SHH: variants seen among roughly 807,000 people sequenced by gnomAD.
SHH encodes sonic hedgehog protein.
Under a neutral mutation model 16.6 loss-of-function variants are expected in SHH, and 3 were observed. That is an observed-to-expected ratio of 0.18 (90% CI 0.08 to 0.47). The LOEUF (loss-of-function observed/expected upper bound fraction) is 0.47, where lower values mean the gene tolerates loss of function less well. Among genes scored for constraint, SHH ranks in the 20% least tolerant of loss-of-function variants. The pLI is 0.98. For synonymous variants in SHH, 351 were observed against 316.2 expected, an observed-to-expected ratio of 1.11 and a Z score of -1.17; for missense variants, 499 against 665.0, an observed-to-expected ratio of 0.75 and a Z score of 2.75.
chr7:155,810,155 G>A (rs767820178), intron 1 of SHH, among the ~76,000 whole-genome samples: 1 of 152,226 alleles, frequency 6.6e-6, no homozygotes, highest in Non-Finnish European at 1.5e-5. Flanking sequence ...GGCTGCAGGC[G>A]TCTGCCTCGC....
chr7:155,806,651 C>G, intron 1 of SHH, 94 bp from the exon 2 acceptor site: 6 of 1,522,478 alleles, frequency 3.9e-6, no homozygotes, highest in Non-Finnish European at 4.5e-6. Flanking sequence ...TGCCCAGTCT[C>G]AAGGCGCGAG....
chr7:155,809,629 C>A lies in SHH; in HGVS notation c.300+2194G>T, dbSNP rs934736342. Among the ~76,000 whole-genome samples the A allele has an allele frequency of 1.3e-5, 2 of 152,210 alleles. No homozygotes were observed. Among genetic ancestry groups the A allele is most frequent in the African/African-American group, 4.8e-5 (2 of 41,468 alleles). On this transcript the variant is annotated intron_variant, in intron 1 of 2. Transcript: ENST00000297261. The surrounding 1 kb of genome is among the most constrained non-coding windows in gnomAD (Gnocchi z 6.1). ...CGGCCTGGCTCTCCTCACCCAACCC[C>A]CACTTGGGCCGTCCTTCCCCCTCCT...
chr7:155,808,431 C>T (rs1019242002), intron 1 of SHH, among the ~76,000 whole-genome samples: 1 of 152,256 alleles, frequency 6.6e-6, no homozygotes, highest in Non-Finnish European at 1.5e-5. Context: ...GTGAGGATGA[C>T]CTGGCCCCCA....
chr7:155,800,775 A>G lies in SHH; in HGVS notation c.*2125T>C, dbSNP rs972007712. 6.4e-5 allele frequency: 25 copies of G among 391,568 alleles called. No homozygotes were observed. The highest frequency in any genetic ancestry group is 5.3e-4 in the African/African-American group (25 of 47,604). The allele number at this position is 391,568 out of a possible 1,614,324, so 24.3% of individuals were successfully genotyped here. ...CACCTGGTCACACACCCTCCACGGA[A>G]GGCCACTCAAGGGCAGACCCGTAGC... On this transcript the variant is annotated 3_prime_UTR_variant, in exon 3 of 3. Coordinates refer to ENST00000297261, the MANE Select transcript of SHH (RefSeq NM_000193.4).
rs1563197379 is a variant in SHH, at chr7:155,800,190, G to A, written c.*2710C>T. ...CGCCTCGTCCTGGCGGGGCTGGGCTGCACCCTCTTGATGCCCTGTACCTAG... is the reference window on the plus strand; with the variant it reads ...CGCCTCGTCCTGGCGGGGCTGGGCTACACCCTCTTGATGCCCTGTACCTAG... On this transcript the variant is annotated 3_prime_UTR_variant, in exon 3 of 3. Coordinates refer to ENST00000297261, the MANE Select transcript of SHH (RefSeq NM_000193.4). 2 of 471,182 alleles carry A rather than the reference G, an allele frequency of 4.2e-6. No individual in the cohort carries two copies. The highest frequency in any genetic ancestry group is 8.8e-6 in the Non-Finnish European group (2 of 227,090). The allele number at this position is 471,182 out of a possible 1,614,324, so 29.2% of individuals were successfully genotyped here.
At chr7:155,804,839 C>A (rs1189350928) in intron 2 of SHH, among the ~76,000 whole-genome samples, 1 of 152,122 alleles carries the variant, frequency 6.6e-6, no homozygotes, top group Non-Finnish European at 1.5e-5. Flanking sequence ...CGGGATCATG[C>A]TTTTTGCAAA....
chr7:155,808,172 A>G (rs1803415313), intron 1 of SHH, among the ~76,000 whole-genome samples: 2 of 152,178 alleles, frequency 1.3e-5, no homozygotes, highest in Non-Finnish European at 2.9e-5. Context: ...GTTAAAAAAA[A>G]AAGTCGGAAG....
Position 155,809,809 on chromosome 7 carries a change from G to A in SHH, c.300+2014C>T, listed in dbSNP as rs1382468021. On this transcript the variant is annotated intron_variant, in intron 1 of 2. Coordinates refer to ENST00000297261, the MANE Select transcript of SHH (RefSeq NM_000193.4). The surrounding 1 kb of genome is among the most constrained non-coding windows in gnomAD (Gnocchi z 6.1). ...CGGGCGCGGGGCCGCTGGGCCCTGC[G>A]TCCCCCGGCAGGGCGGACGGGGGTC... Among the ~76,000 whole-genome samples, 1 of 151,820 alleles carries A rather than the reference G, an allele frequency of 6.6e-6. No individual in the cohort carries two copies. The highest frequency in any genetic ancestry group is 2.4e-5 in the African/African-American group (1 of 41,394).
At chr7:155,805,217 G>T (rs1803323230) in intron 2 of SHH, among the ~76,000 whole-genome samples, 1 of 152,030 alleles carries the variant, frequency 6.6e-6, no homozygotes, top group Admixed American at 6.5e-5. Context: ...GGGGCGCCCT[G>T]GGCCCAGGGG....
rs1803407380 is a variant in SHH at position 155,807,887 on chromosome 7, G to A, written c.301-1330C>T. 6.6e-6 allele frequency among the ~76,000 whole-genome samples: 1 copy of A among 152,144 alleles called. No homozygotes were observed. Among genetic ancestry groups the A allele is most frequent in the South Asian group, 2.1e-4 (1 of 4,814 alleles). Reference sequence around the variant, plus strand: ...AGGATGCTCTGCTTGGAGTCTGGTTGTCGCCATGGAGGGACAGCTTCTATC... The same window carrying A: ...AGGATGCTCTGCTTGGAGTCTGGTTATCGCCATGGAGGGACAGCTTCTATC... On this transcript the variant is annotated intron_variant, in intron 1 of 2. Coordinates refer to ENST00000297261, the MANE Select transcript of SHH (RefSeq NM_000193.4). The surrounding 1 kb of genome is among the most constrained non-coding windows in gnomAD (Gnocchi z 7.1).
chr7:155,803,347 G>T lies in SHH; in HGVS notation c.942C>A (p.Arg314=). The stretch of plus-strand genomic sequence containing the variant: ...CGTCACGCTCGGCCACCACGTACAC[G>T]CGCTGGCCCGGGCGCACGCGGCTGG... ...LFASRVRPGQ[R]VYVVAERDGD... is the part of the protein sequence containing the mutation. Residue 314 remains arginine, a synonymous_variant, in exon 3 of 3, where the codon CGC becomes CGA. Transcript: ENST00000297261. 1 of 1,463,624 alleles carries T rather than the reference G, an allele frequency of 6.8e-7. No homozygotes were observed. The highest frequency in any genetic ancestry group is 8.9e-7 in the Non-Finnish European group (1 of 1,117,888). 90.7% of individuals were successfully genotyped at this position (1,463,624 alleles called of 1,614,324 possible).
At position 155,812,355 on chromosome 7, in the gene SHH, G is replaced by T; in HGVS notation, c.-233C>A. 1 of 589,816 alleles carries T rather than the reference G, an allele frequency of 1.7e-6. No individual in the cohort carries two copies. Among genetic ancestry groups the T allele is most frequent in the East Asian group, 2.8e-5 (1 of 35,586 alleles). 36.5% of individuals were successfully genotyped at this position (589,816 alleles called of 1,614,324 possible). A position where few individuals can be genotyped will look rare whatever the true frequency, so the allele number is the denominator to read the frequency against. On this transcript the variant is annotated 5_prime_UTR_variant, in exon 1 of 3. Transcript: ENST00000297261. The stretch of plus-strand genomic sequence containing the variant: ...CCCCACCCAGACAGGGGCTGGAATG[G>T]CAGGCTGCCGGCCGCTGATAACGGA...
At chr7:155,803,970 C>G (rs1235795653) in intron 2 of SHH, among the ~76,000 whole-genome samples, 1 of 152,174 alleles carries the variant, frequency 6.6e-6, no homozygotes, top group Non-Finnish European at 1.5e-5. Context: ...CTGGCGGTCA[C>G]AGAGGTTGGC....
At chr7:155,804,230 C>G (rs1584798162) in intron 2 of SHH, among the ~76,000 whole-genome samples, 2 of 150,582 alleles carry the variant, frequency 1.3e-5, no homozygotes, top group Admixed American at 1.3e-4. Flanking sequence ...AACCCCTGGC[C>G]CGCCTGCCCG....
Position 155,800,026 on chromosome 7 carries a change from G to T in SHH, c.*2874C>A, listed in dbSNP as rs1292529348. 1 of 471,160 alleles carries T rather than the reference G, an allele frequency of 2.1e-6. No individual in the cohort carries two copies. Among genetic ancestry groups the T allele is most frequent in the Non-Finnish European group, 4.4e-6 (1 of 227,018 alleles). The allele number at this position is 471,160 out of a possible 1,614,324, so 29.2% of individuals were successfully genotyped here. ...AATTATTCAAACAATAGAGCACAAA[G>T]ATAACAGTTTCAAGTACATTGTGAT... On this transcript the variant is annotated 3_prime_UTR_variant, in exon 3 of 3. Coordinates refer to ENST00000297261, the MANE Select transcript of SHH (RefSeq NM_000193.4).
intron 1 of SHH, among the ~76,000 whole-genome samples, chr7:155,810,066 C>T (rs2117148213): frequency 6.6e-6 from 1 of 152,266 alleles, no homozygotes; most frequent in East Asian, 1.9e-4. Flanking sequence ...CGTGGAGCAG[C>T]AGAGCCCGGC....
chr7:155,803,377 C>A lies in SHH; in HGVS notation c.912G>T (p.Leu304=). The stretch of plus-strand genomic sequence containing the variant: ...GGCCCGGGCGCACGCGGCTGGCGAA[C>A]AGCGCCCGAGGCCCCAGTGCGCCCC... ...PSGGALGPRA[L]FASRVRPGQR... is the part of the protein sequence containing the mutation. Residue 304 remains leucine, a synonymous_variant, in exon 3 of 3, where the codon CTG becomes CTT. Coordinates refer to ENST00000297261, the MANE Select transcript of SHH (RefSeq NM_000193.4). The A allele has an allele frequency of 6.9e-7, 1 of 1,459,092 alleles. No homozygotes were observed. The highest frequency in any genetic ancestry group is 8.9e-7 in the Non-Finnish European group (1 of 1,118,256). The allele number at this position is 1,459,092 out of a possible 1,614,324, so 90.4% of individuals were successfully genotyped here.
chr7:155,806,167 C>T, intron 2 of SHH, 129 bp downstream of exon 2: 1 of 1,182,350 alleles, frequency 8.5e-7, no homozygotes, highest in African/African-American at 1.5e-5. Context: ...ACCGCGGAAA[C>T]GCAGTCATCG....
chr7:155,803,330 T>C lies in SHH; in HGVS notation c.959A>G (p.Glu320Gly). Residue 320 changes from glutamate (E) to glycine (G), a missense_variant, in exon 3 of 3, where the codon GAG becomes GGG. Physicochemically the swap from Glu to Gly is moderately conservative, Grantham distance 98. Around this residue, in one of 4 missense-constraint regions of SHH, gnomAD observed 299 missense variants for 301.1 expected, o/e 0.99. Transcript: ENST00000297261. The stretch of plus-strand genomic sequence containing the variant: ...CAGGAGCCGGCGGTCCCCGTCACGC[T>C]CGGCCACCACGTACACGCGCTGGCC... ...RPGQRVYVVAERDGDRRLLPA... is the reference protein window; with the variant it reads ...RPGQRVYVVAGRDGDRRLLPA... The C allele has an allele frequency of 3.4e-6, 5 of 1,474,274 alleles. No homozygotes were observed. Among genetic ancestry groups the C allele is most frequent in the Non-Finnish European group, 4.5e-6 (5 of 1,120,742 alleles). 91.3% of individuals were successfully genotyped at this position (1,474,274 alleles called of 1,614,324 possible).
Sources: gnomAD v4.1 joint callset for allele counts (sites outside exome capture counted in the v4.1 genomes callset) on GRCh38, gnomAD v4.1.1 for gene constraint, gnomAD v4.1.1 regional missense constraint, Gnocchi (gnomAD v3.1) non-coding constraint, MANE v1.5 for transcripts, NCBI Gene and HGNC (gene_info 2026-07-23, HGNC 2026-07-21) for gene names.